Variants in ABHD17B observed in about 807,000 individuals in gnomAD.
ABHD17B encodes abhydrolase domain containing 17B, depalmitoylase, also known as alpha/beta hydrolase domain-containing protein 17B.
In ABHD17B, 9 loss-of-function variants were observed where a neutral mutation model predicts 26.2. The observed-to-expected ratio is 0.34, with a 90% confidence interval of 0.21 to 0.60. The LOEUF (loss-of-function observed/expected upper bound fraction) is 0.60. Among genes scored for constraint, ABHD17B ranks in the 20% least tolerant of loss-of-function variants. The pLI, the probability that ABHD17B is intolerant of heterozygous loss-of-function variation, is 0.80. For synonymous variants in ABHD17B, 127 were observed against 122.3 expected, an observed-to-expected ratio of 1.04 and a Z score of -0.25; for missense variants, 224 against 352.1, an observed-to-expected ratio of 0.64 and a Z score of 2.91.
chr9:71,909,034 G>GCA (rs1827367626), intron 1 of ABHD17B, among the ~76,000 whole-genome samples: 1 of 152,060 alleles, frequency 6.6e-6, no homozygotes, highest in Non-Finnish European at 1.5e-5. Context: ...ATGTTTTTTG[G>GCA]TGATTTTGTT....
intron 1 of ABHD17B, among the ~76,000 whole-genome samples, chr9:71,900,183 T>A (rs563068041): frequency 8.5e-5 from 13 of 152,320 alleles, no homozygotes; most frequent in East Asian, 1.9e-4. Flanking sequence ...AAGGACTAAC[T>A]AGGGTTATAT....
intron 1 of ABHD17B, among the ~76,000 whole-genome samples, chr9:71,878,438 A>G (rs901745283): frequency 6.6e-6 from 1 of 152,212 alleles, no homozygotes; most frequent in Non-Finnish European, 1.5e-5. Flanking sequence ...TCTCAGAATT[A>G]AAGGGGGAAA....
At chr9:71,869,678 T>C (rs942837529) in intron 3 of ABHD17B, among the ~76,000 whole-genome samples, 1 of 152,204 alleles carries the variant, frequency 6.6e-6, no homozygotes, top group African/African-American at 2.4e-5. Flanking sequence ...CCTGTTCTTC[T>C]CTAACATCAA....
intron 1 of ABHD17B, among the ~76,000 whole-genome samples, chr9:71,891,633 T>C (rs1014769566): frequency 2.0e-5 from 3 of 152,228 alleles, no homozygotes; most frequent in African/African-American, 7.2e-5. Context: ...AGAAGGCCTA[T>C]AGTCTGAATA....
rs1211694442 is a variant in ABHD17B at position 71,866,468 on chromosome 9, T to C, written c.*319A>G. On this transcript the variant is annotated 3_prime_UTR_variant, in exon 4 of 4. Transcript: ENST00000333421. The stretch of plus-strand genomic sequence containing the variant: ...TTAAAAATATTTATAAATTTGTTTC[T>C]AGTATGCAAAAGCATTTGGCAATAC... 12 of 1,035,620 alleles carry C rather than the reference T, an allele frequency of 1.2e-5. No homozygotes were observed. In the East Asian group the frequency reaches 5.2e-4, roughly 45 times the overall value. The allele number at this position is 1,035,620 out of a possible 1,614,324, so 64.2% of individuals were successfully genotyped here.
chr9:71,901,826 C>T (rs545076738), intron 1 of ABHD17B, among the ~76,000 whole-genome samples: 1 of 152,130 alleles, frequency 6.6e-6, no homozygotes, highest in Admixed American at 6.5e-5. Flanking sequence ...TCACTAATAT[C>T]TATTTCATAC....
At chr9:71,898,500 A>G (rs1827027989) in intron 1 of ABHD17B, among the ~76,000 whole-genome samples, 1 of 151,072 alleles carries the variant, frequency 6.6e-6, no homozygotes, top group Non-Finnish European at 1.5e-5. Flanking sequence ...TTAGCTGGGC[A>G]TGGCGGTGCA....
intron 1 of ABHD17B, among the ~76,000 whole-genome samples, chr9:71,882,875 G>A (rs1681314651): frequency 6.6e-6 from 1 of 152,080 alleles, no homozygotes; most frequent in Non-Finnish European, 1.5e-5. Flanking sequence ...GCCGGGCGCA[G>A]TGGTTCACAC....
Position 71,900,753 on chromosome 9 carries a change from C to T in ABHD17B, c.-4+9881G>A, listed in dbSNP as rs191917575. 7.6e-4 allele frequency among the ~76,000 whole-genome samples: 115 copies of T among 151,992 alleles called. 2 individuals carry two copies. In the East Asian group the frequency reaches 0.021, roughly 28 times the overall value. On this transcript the variant is annotated intron_variant, in intron 1 of 3. Coordinates refer to ENST00000333421, the MANE Select transcript of ABHD17B (RefSeq NM_001025780.3). Reference sequence around the variant, plus strand: ...TCCTCCAACCATATCTTGATACTATCCCCCCCTCATCACTATAGTTGCAGC... The same window carrying T: ...TCCTCCAACCATATCTTGATACTATTCCCCCCTCATCACTATAGTTGCAGC...
At chr9:71,873,504 T>C (rs566254862) in intron 2 of ABHD17B, among the ~76,000 whole-genome samples, 133 of 152,256 alleles carry the variant, frequency 8.7e-4, no homozygotes, top group African/African-American at 2.9e-3. Flanking sequence ...TTCAAGTGAT[T>C]CTCCTGCCTC....
At chr9:71,905,206 T>C (rs1412738759) in intron 1 of ABHD17B, among the ~76,000 whole-genome samples, 5 of 151,614 alleles carry the variant, frequency 3.3e-5, no homozygotes, top group Non-Finnish European at 7.4e-5. Context: ...CACTGCAACC[T>C]CTGCCTCCCA....
At chr9:71,887,888 T>A (rs1826661051) in intron 1 of ABHD17B, among the ~76,000 whole-genome samples, 1 of 152,228 alleles carries the variant, frequency 6.6e-6, no homozygotes, top group South Asian at 2.1e-4. Context: ...TCTAACCCAA[T>A]TCTAACATAA....
chr9:71,891,422 G>A (rs1457864694), intron 1 of ABHD17B, among the ~76,000 whole-genome samples: 2 of 152,050 alleles, frequency 1.3e-5, no homozygotes, highest in African/African-American at 4.8e-5. Flanking sequence ...TCTGTTCCAT[G>A]TGGAATTCCT....
At chr9:71,902,971 T>C (rs916164276) in intron 1 of ABHD17B, among the ~76,000 whole-genome samples, 3 of 152,200 alleles carry the variant, frequency 2.0e-5, no homozygotes, top group Non-Finnish European at 4.4e-5. Context: ...GTGATTGGAA[T>C]GGAGACTTGG....
intron 1 of ABHD17B, among the ~76,000 whole-genome samples, chr9:71,878,361 G>T (rs1039585597): frequency 6.6e-5 from 10 of 151,752 alleles, no homozygotes; most frequent in Non-Finnish European, 1.3e-4. Context: ...AGAAATAGAA[G>T]TAGAAATATC....
chr9:71,895,302 G>C (rs1312577628), intron 1 of ABHD17B, among the ~76,000 whole-genome samples: 2 of 152,130 alleles, frequency 1.3e-5, no homozygotes, highest in African/African-American at 4.8e-5. Flanking sequence ...TTAGTAAATG[G>C]TAAAGCCAGG....
intron 2 of ABHD17B, among the ~76,000 whole-genome samples, chr9:71,871,568 T>C (rs1225658650): frequency 6.6e-6 from 1 of 152,204 alleles, no homozygotes; most frequent in Non-Finnish European, 1.5e-5. Flanking sequence ...GCATTGTTGG[T>C]GGCAATCATG....
At chr9:71,864,724 A>G (rs1420241726), downstream of ABHD17B, among the ~76,000 whole-genome samples, 12 of 152,228 alleles carry the variant, frequency 7.9e-5, no homozygotes, top group South Asian at 2.5e-3. Flanking sequence ...TTTACCTGTT[A>G]CAATACCTTA....
In ABHD17B at chr9:71,875,033, T is replaced by C. The variant is rs1826225210; in HGVS notation, c.48A>G (p.Pro16=). The part of the protein sequence containing the change: ...FSELCCLFCC[P]PCPGKIASKL... The stretch of plus-strand genomic sequence containing the variant: ...TTGAAGCAATCTTCCCTGGACAAGG[T>C]GGACAGCAGAAGAGGCAACATAGCT... The change falls in exon 2 of 4, where the codon CCA becomes CCG. Residue 16 remains proline (P), a synonymous_variant. Coordinates refer to ENST00000333421, the MANE Select transcript of ABHD17B (RefSeq NM_001025780.3). 1.9e-6 allele frequency: 3 copies of C among 1,613,744 alleles called. No individual in the cohort carries two copies. Among genetic ancestry groups the C allele is most frequent in the African/African-American group, 1.3e-5 (1 of 74,996 alleles).
Sources: gnomAD v4.1 joint callset for allele counts (sites outside exome capture counted in the v4.1 genomes callset) on GRCh38, gnomAD v4.1.1 for gene constraint, MANE v1.5 for transcripts, NCBI Gene and HGNC (gene_info 2026-07-23, HGNC 2026-07-21) for gene names.